The following BCAS1 variants were observed in gnomAD, a reference collection of about 807,000 sequenced individuals.
BCAS1 encodes the protein breast carcinoma-amplified sequence 1.
In BCAS1, 46 loss-of-function variants were observed where a neutral mutation model predicts 65.4. The observed-to-expected ratio is 0.70, with a 90% CI of 0.55 to 0.90. The LOEUF (loss-of-function observed/expected upper bound fraction) is 0.90, where lower values mean the gene tolerates loss of function less well. BCAS1 is among the 40% of genes least tolerant of loss of function. The probability of loss-of-function intolerance (pLI) is 0.00; values close to 1 mark genes in which losing one functional copy is unlikely to be tolerated. For synonymous variants in BCAS1, 298 were observed against 293.5 expected, an observed-to-expected ratio of 1.02 and a Z score of -0.16; for missense variants, 793 against 771.2, an observed-to-expected ratio of 1.03 and a Z score of -0.33.
At chr20:54,042,981 T>C (rs2092027767) in intron 3 of BCAS1, among the ~76,000 whole-genome samples, 1 of 152,262 alleles carries the variant, frequency 6.6e-6, no homozygotes, top group African/African-American at 2.4e-5. Context: ...TTGCAGAGTC[T>C]GAGCCTCTGC....
chr20:54,007,038 AGGTT>A (rs2091213068), intron 4 of BCAS1, among the ~76,000 whole-genome samples: 4 of 152,188 alleles, frequency 2.6e-5, no homozygotes, highest in Non-Finnish European at 5.9e-5. Context: ...ACAGTAGGCA[AGGTT>A]CTCTGAAGTT....
chr20:53,950,742 C>T (rs371911968), intron 12 of BCAS1, among the ~76,000 whole-genome samples: 1 of 152,310 alleles, frequency 6.6e-6, no homozygotes, highest in East Asian at 1.9e-4. Context: ...AGGCTTGGCA[C>T]ATGTTTCTGC....
intron 10 of BCAS1, 150 bp from the exon 11 acceptor site, chr20:53,957,647 G>T: frequency 3.0e-6 from 2 of 669,624 alleles, no homozygotes; most frequent in South Asian, 3.8e-5. Flanking sequence ...GTTACTCATT[G>T]GATATAGAGA....
chr20:54,047,274 G>C (rs887398449), intron 3 of BCAS1, among the ~76,000 whole-genome samples: 1 of 152,164 alleles, frequency 6.6e-6, no homozygotes, highest in East Asian at 1.9e-4. Context: ...TTCTTAAAAG[G>C]CTTCTTGAAA....
At chr20:54,006,437 T>C (rs1321567264) in intron 4 of BCAS1, among the ~76,000 whole-genome samples, 1 of 152,116 alleles carries the variant, frequency 6.6e-6, no homozygotes, top group African/African-American at 2.4e-5. Context: ...GGGCTGGGCA[T>C]GGTGGCTCAC....
chr20:54,001,874 T>C (rs66896772), intron 4 of BCAS1, among the ~76,000 whole-genome samples: 25,360 of 152,154 alleles, frequency 0.17, 2,383 homozygotes, highest in East Asian at 0.28. Context: ...TTACATTAGG[T>C]AGGACCAAAA....
intron 12 of BCAS1, among the ~76,000 whole-genome samples, chr20:53,948,975 A>G (rs541320510): frequency 5.3e-5 from 8 of 152,266 alleles, no homozygotes; most frequent in African/African-American, 1.9e-4. Flanking sequence ...CAGTGTGGAC[A>G]GATGTCTTCC....
At chr20:53,971,225 T>C in intron 9 of BCAS1, among the ~76,000 whole-genome samples, 1 of 152,240 alleles carries the variant, frequency 6.6e-6, no homozygotes, top group East Asian at 1.9e-4. Context: ...ACATATACCA[T>C]GCCTGAGCAG....
chr20:54,025,801 A>G (rs990109148), intron 4 of BCAS1, among the ~76,000 whole-genome samples: 2 of 152,110 alleles, frequency 1.3e-5, no homozygotes, highest in African/African-American at 4.8e-5. Context: ...TATTCATGTT[A>G]CTTTCTGAGG....
chr20:54,044,949 G>A (rs2092073150), intron 3 of BCAS1, among the ~76,000 whole-genome samples: 1 of 152,000 alleles, frequency 6.6e-6, no homozygotes, highest in South Asian at 2.1e-4. Context: ...TGTGACTCGT[G>A]CCTCTAATCC....
At chr20:54,022,730 T>C (rs929524652) in intron 4 of BCAS1, among the ~76,000 whole-genome samples, 3 of 152,194 alleles carry the variant, frequency 2.0e-5, no homozygotes, top group South Asian at 2.1e-4. Flanking sequence ...AGATAATGTA[T>C]GCAAAATGCT....
Position 54,038,956 on chromosome 20 carries a change from C to T in BCAS1, c.143-9984G>A, listed in dbSNP as rs779517711. On this transcript the variant is annotated intron_variant, in intron 3 of 12. Transcript: ENST00000688948. The stretch of plus-strand genomic sequence containing the variant: ...ATCTGGCAAAGTTAACACAGATCAC[C>T]GAAGAAGGAAAAGTGGACAACACAA... Among the ~76,000 whole-genome samples the T allele has an allele frequency of 1.4e-4, 21 of 151,018 alleles. 1 individual carries two copies. The highest frequency in any genetic ancestry group is 5.8e-4 in the East Asian group (3 of 5,194).
intron 10 of BCAS1, among the ~76,000 whole-genome samples, chr20:53,960,592 G>A (rs1244102850): frequency 6.6e-6 from 1 of 151,686 alleles, no homozygotes; most frequent in Non-Finnish European, 1.5e-5. Context: ...CTGAAGTTTG[G>A]GTTTACACTT....
At chr20:54,004,636 A>T (rs899983959) in intron 4 of BCAS1, among the ~76,000 whole-genome samples, 1 of 152,184 alleles carries the variant, frequency 6.6e-6, no homozygotes, top group Non-Finnish European at 1.5e-5. Context: ...TCATGAATTC[A>T]TCCTCACTCA....
intron 1 of BCAS1, among the ~76,000 whole-genome samples, chr20:54,065,996 A>T (rs900290720): frequency 6.6e-6 from 1 of 152,150 alleles, no homozygotes; most frequent in Non-Finnish European, 1.5e-5. Context: ...CGCCTACCTT[A>T]TGCCAGCCAT....
intron 1 of BCAS1, among the ~76,000 whole-genome samples, chr20:54,065,640 G>A (rs566709356): frequency 6.6e-6 from 1 of 152,208 alleles, no homozygotes; most frequent in Non-Finnish European, 1.5e-5. Context: ...TGTTCTCCTC[G>A]TGTTTGTAGC....
intron 4 of BCAS1, among the ~76,000 whole-genome samples, chr20:54,008,755 C>A (rs1405619396): frequency 6.6e-6 from 1 of 151,926 alleles, no homozygotes; most frequent in Non-Finnish European, 1.5e-5. Context: ...AGGCAATCAA[C>A]AGATGTCAAC....
At chr20:54,051,153 CA>C (rs1239337590) in intron 3 of BCAS1, among the ~76,000 whole-genome samples, 1 of 152,130 alleles carries the variant, frequency 6.6e-6, no homozygotes, top group African/African-American at 2.4e-5. Context: ...CTAAATGGAA[CA>C]GCATATTCTC....
rs763856307 is a variant in BCAS1, at chr20:54,028,776, A to C, written c.339T>G (p.Asp113Glu). The change falls in exon 4 of 13, where the codon GAT becomes GAG. Residue 113 changes from aspartate (D) to glutamate (E), a missense_variant. Asp to Glu is a conservative substitution (Grantham distance 45). Coordinates refer to ENST00000688948, the MANE Select transcript of BCAS1 (RefSeq NM_001366298.2). ...CAAGCTTCACTGATCCAAGGGATGA[A>C]TCTGCGGCTTGGTCTCCGGTACGTC... Reference protein sequence around the residue: ...VPGRTGDQAADSSLGSVKLDV... With the variant: ...VPGRTGDQAAESSLGSVKLDV... The C allele has an allele frequency of 1.9e-6, 3 of 1,614,188 alleles. No homozygotes were observed. The South Asian group carries it at 3.3e-5, about 18-fold the overall frequency.
Sources: gnomAD v4.1 joint callset for allele counts (sites outside exome capture counted in the v4.1 genomes callset) on GRCh38, gnomAD v4.1.1 for gene constraint, MANE v1.5 for transcripts, NCBI Gene and HGNC (gene_info 2026-07-23, HGNC 2026-07-21) for gene names.